Variants in RNF144A observed in about 807,000 individuals in gnomAD.
RNF144A encodes ring finger protein 144A, also known as E3 ubiquitin-protein ligase RNF144A.
In RNF144A, 11 loss-of-function variants were observed where a neutral mutation model predicts 38.7. That is an observed-to-expected ratio of 0.28 (90% CI 0.18 to 0.47). The LOEUF (loss-of-function observed/expected upper bound fraction) is 0.47, where lower values mean the gene tolerates loss of function less well. Ranked by LOEUF, RNF144A falls within the 20% of genes least tolerant of loss-of-function variation. The pLI is 0.99. For synonymous variants in RNF144A, 149 were observed against 143.9 expected, an observed-to-expected ratio of 1.04 and a Z score of -0.25; for missense variants, 316 against 377.2, an observed-to-expected ratio of 0.84 and a Z score of 1.34.
downstream of RNF144A, among the ~76,000 whole-genome samples, chr2:7,048,049 A>G (rs193217630): frequency 1.2e-3 from 180 of 152,204 alleles, 1 homozygote; most frequent in African/African-American, 4.1e-3. Flanking sequence ...TGTTCCTGGG[A>G]TAGTTTAAAT....
At chr2:7,061,910 T>A (rs1259210698) in intron 6 of RNF144A, among the ~76,000 whole-genome samples, 18 of 152,228 alleles carry the variant, frequency 1.2e-4, no homozygotes, top group Admixed American at 1.2e-3. Flanking sequence ...TTTACTCTGA[T>A]ACACAGAAAA....
At chr2:7,075,510 A>G in the RNF144A span, among the ~76,000 whole-genome samples, 6 of 152,176 alleles carry the variant, frequency 3.9e-5, no homozygotes, top group African/African-American at 1.4e-4. Flanking sequence ...AGAAATAGAT[A>G]AGGTCATCAG....
At chr2:7,055,395 A>G (rs1673702129) in intron 6 of RNF144A, among the ~76,000 whole-genome samples, 1 of 152,170 alleles carries the variant, frequency 6.6e-6, no homozygotes, top group South Asian at 2.1e-4. Flanking sequence ...GTTTGAAACC[A>G]TTATACCACC....
intron 2 of RNF144A, among the ~76,000 whole-genome samples, chr2:6,960,885 G>A (rs1482387516): frequency 6.6e-6 from 1 of 152,254 alleles, no homozygotes; most frequent in African/African-American, 2.4e-5. Context: ...GAAAGTGCTG[G>A]CATGCGCTTA....
intron 1 of RNF144A, chr2:6,918,596 C>G (rs1664302070): frequency 6.6e-6 from 1 of 151,260 alleles, no homozygotes; most frequent in Admixed American, 6.6e-5. Flanking sequence ...AACCCCCTCT[C>G]TACTAAAAAT....
intron 1 of RNF144A, among the ~76,000 whole-genome samples, chr2:6,927,525 C>T (rs892813800): frequency 3.9e-5 from 6 of 152,192 alleles, no homozygotes; most frequent in Non-Finnish European, 7.3e-5. Flanking sequence ...TTTCTGGAGG[C>T]AGGCAGGACT....
At chr2:7,018,605 A>G (rs1200186501) in intron 5 of RNF144A, among the ~76,000 whole-genome samples, 1 of 152,246 alleles carries the variant, frequency 6.6e-6, no homozygotes, top group East Asian at 1.9e-4. Context: ...TGTGACCCAC[A>G]GACAACAACT....
chr2:6,963,580 G>T (rs530684716), intron 2 of RNF144A, among the ~76,000 whole-genome samples: 1 of 152,230 alleles, frequency 6.6e-6, no homozygotes, highest in South Asian at 2.1e-4. Context: ...AAAAATGACC[G>T]AACAAAAGAC....
intron 2 of RNF144A, among the ~76,000 whole-genome samples, chr2:6,996,368 C>T (rs562817735): frequency 6.6e-6 from 1 of 152,286 alleles, no homozygotes; most frequent in Admixed American, 6.5e-5. Flanking sequence ...TATTAAAATG[C>T]ACATCAGTGG....
At position 7,043,939 on chromosome 2, in the gene RNF144A, G is replaced by T. The variant is rs1673196808; in HGVS notation, c.*4179G>T. 1 of 985,796 alleles carries T rather than the reference G, an allele frequency of 1.0e-6. No individual in the cohort carries two copies. Among genetic ancestry groups the T allele is most frequent in the Non-Finnish European group, 1.2e-6 (1 of 829,908 alleles). The allele number at this position is 985,796 out of a possible 1,614,324, so 61.1% of individuals were successfully genotyped here. On this transcript the variant is annotated 3_prime_UTR_variant, in exon 9 of 9. Transcript: ENST00000320892. ...GTGGTGGTGAAACAAAATCAAAACA[G>T]ATTTGATTTGTGTTTTTGAAATGTC...
At chr2:7,070,594 G>A (rs1674434550), downstream of RNF144A, among the ~76,000 whole-genome samples, 3 of 152,290 alleles carry the variant, frequency 2.0e-5, no homozygotes, top group South Asian at 6.2e-4. Flanking sequence ...AATCAAGTTA[G>A]GATGAGGTTA....
At chr2:7,073,705 TTC>T in the RNF144A span, among the ~76,000 whole-genome samples, 1 of 152,224 alleles carries the variant, frequency 6.6e-6, no homozygotes, top group Non-Finnish European at 1.5e-5. Context: ...CCAGACGCTG[TTC>T]TAAGCACATC....
chr2:7,033,538 G>A (rs988490230), intron 8 of RNF144A, among the ~76,000 whole-genome samples: 6 of 152,212 alleles, frequency 3.9e-5, no homozygotes, highest in Non-Finnish European at 5.9e-5. Flanking sequence ...TGCCCTGGCC[G>A]TTGCTGCCAG....
chr2:6,931,512 A>G (rs1359655253), intron 1 of RNF144A, among the ~76,000 whole-genome samples: 2 of 152,272 alleles, frequency 1.3e-5, no homozygotes, highest in Non-Finnish European at 2.9e-5. Context: ...TCATTGGCTC[A>G]TAAAAGACTG....
chr2:6,936,262 AT>A (rs1665567045), intron 1 of RNF144A, among the ~76,000 whole-genome samples: 2 of 152,166 alleles, frequency 1.3e-5, no homozygotes, highest in Non-Finnish European at 2.9e-5. Flanking sequence ...ACCTGGTTGT[AT>A]TTTATTGTAG....
intron 2 of RNF144A, among the ~76,000 whole-genome samples, chr2:6,985,640 C>T (rs1212052262): frequency 6.6e-6 from 1 of 152,066 alleles, no homozygotes; most frequent in African/African-American, 2.4e-5. Context: ...TGAAGTTGAT[C>T]GGTATCAATG....
At chr2:7,030,602 G>A (rs963414480) in intron 8 of RNF144A, among the ~76,000 whole-genome samples, 1 of 152,012 alleles carries the variant, frequency 6.6e-6, no homozygotes. Context: ...AGATAAGCAA[G>A]GTAGTAACAG....
At chr2:7,068,108 A>G in intron 6 of RNF144A, 1 of 533,182 alleles carries the variant, frequency 1.9e-6, no homozygotes, top group South Asian at 1.6e-5. Context: ...CCCTGTTGCA[A>G]AATCCCTTTG....
rs748540904 is a variant in RNF144A at position 6,985,270 on chromosome 2, CTTTTTT to C, written c.-11-11628_-11-11623del. ...GTTTTAATTCATCTCCCTCCCCCCTCTTTTTTTTTTTTTTTTTTTTTTTAACAATGA... is the reference window on the plus strand; with the variant it reads ...GTTTTAATTCATCTCCCTCCCCCCTCTTTTTTTTTTTTTTTTTAACAATGA... On this transcript the variant is annotated intron_variant, in intron 2 of 8. Transcript: ENST00000320892. 7.1e-4 allele frequency among the ~76,000 whole-genome samples: 74 copies of C among 104,702 alleles called. 1 individual carries two copies. The highest frequency in any genetic ancestry group is 2.0e-3 in the African/African-American group (60 of 29,806). The allele number at this position is 104,702 out of a possible 152,430, so 68.7% of individuals were successfully genotyped here. A position where few individuals can be genotyped will look rare whatever the true frequency, so the allele number is the denominator to read the frequency against.
Sources: gnomAD v4.1 joint callset for allele counts (sites outside exome capture counted in the v4.1 genomes callset) on GRCh38, gnomAD v4.1.1 for gene constraint, MANE v1.5 for transcripts, NCBI Gene and HGNC (gene_info 2026-07-23, HGNC 2026-07-21) for gene names.